Variants in FTCDNL1 observed in about 807,000 individuals in gnomAD.
FTCDNL1 encodes formiminotransferase N-terminal subdomain-containing protein.
In FTCDNL1, 11 loss-of-function variants were observed where a neutral mutation model predicts 5.9. That is an observed-to-expected ratio of 1.87 (90% CI 1.18 to 3.10). FTCDNL1 has a LOEUF of 3.10. Ranked by LOEUF, FTCDNL1 falls within the 30% of genes most tolerant of loss-of-function variation. The pLI, the probability that FTCDNL1 is intolerant of heterozygous loss-of-function variation, is 0.00. For missense variants in FTCDNL1, 115 were observed against 65.5 expected (o/e 1.76, Z -2.61); for synonymous variants, 58 against 24.8 (o/e 2.34, Z -3.99).
intron 3 of FTCDNL1, among the ~76,000 whole-genome samples, chr2:199,789,903 G>T (rs1012624720): frequency 6.6e-6 from 1 of 151,992 alleles, no homozygotes; most frequent in Non-Finnish European, 1.5e-5. Context: ...AAAGATACAG[G>T]ACCTGCATAA....
At chr2:199,744,612 G>A in the FTCDNL1 span, among the ~76,000 whole-genome samples, 15 of 152,162 alleles carry the variant, frequency 9.9e-5, no homozygotes, top group Admixed American at 8.5e-4. Flanking sequence ...AATTTCTGTC[G>A]TTTAAGCCAC....
At chr2:199,666,612 T>C in the FTCDNL1 span, among the ~76,000 whole-genome samples, 1 of 152,082 alleles carries the variant, frequency 6.6e-6, no homozygotes, top group African/African-American at 2.4e-5. Context: ...GCTTTGGCAA[T>C]AACCTTAATG....
intron 3 of FTCDNL1, among the ~76,000 whole-genome samples, chr2:199,781,906 A>G (rs1699384834): frequency 6.6e-6 from 1 of 152,010 alleles, no homozygotes; most frequent in Non-Finnish European, 1.5e-5. Flanking sequence ...CAGCCTCCCG[A>G]GTAGCTGGGA....
chr2:199,671,838 C>G, the FTCDNL1 span, among the ~76,000 whole-genome samples: 1 of 152,150 alleles, frequency 6.6e-6, no homozygotes, highest in African/African-American at 2.4e-5. Flanking sequence ...GGAACATAGA[C>G]TTCTCTTCCT....
At chr2:199,767,612 G>A (rs1049713401) in intron 3 of FTCDNL1, among the ~76,000 whole-genome samples, 3 of 152,140 alleles carry the variant, frequency 2.0e-5, no homozygotes, top group African/African-American at 7.2e-5. Context: ...TTCGTGAATG[G>A]GATAAATATC....
At chr2:199,672,472 C>T in the FTCDNL1 span, among the ~76,000 whole-genome samples, 1 of 152,100 alleles carries the variant, frequency 6.6e-6, no homozygotes, top group South Asian at 2.1e-4. Flanking sequence ...TAGCAAATCA[C>T]CCCAAAACTT....
chr2:199,714,040 G>A, the FTCDNL1 span, among the ~76,000 whole-genome samples: 29 of 152,264 alleles, frequency 1.9e-4, no homozygotes, highest in East Asian at 5.4e-3. Context: ...AGAATAACTT[G>A]ATTCTAGAAG....
At chr2:199,671,487 C>T in the FTCDNL1 span, among the ~76,000 whole-genome samples, 1 of 151,876 alleles carries the variant, frequency 6.6e-6, no homozygotes, top group Admixed American at 6.6e-5. Context: ...AAAAAAAAAA[C>T]CTCCCAAACT....
chr2:199,803,513 A>G (rs867611397), intron 3 of FTCDNL1, among the ~76,000 whole-genome samples: 1 of 152,156 alleles, frequency 6.6e-6, no homozygotes, highest in Non-Finnish European at 1.5e-5. Flanking sequence ...TCTGTCACCG[A>G]GGATAGAATG....
chr2:199,825,111 C>T (rs1701946889), intron 3 of FTCDNL1, among the ~76,000 whole-genome samples: 1 of 148,098 alleles, frequency 6.8e-6, no homozygotes, highest in African/African-American at 2.5e-5. Context: ...GCACTCCAGC[C>T]TGGGTGACAG....
At chr2:199,685,588 G>A in the FTCDNL1 span, among the ~76,000 whole-genome samples, 42 of 152,092 alleles carry the variant, frequency 2.8e-4, no homozygotes, top group East Asian at 8.1e-3. Flanking sequence ...GTTTTTATAT[G>A]CAAATATAAG....
At chr2:199,757,728 C>T (rs1041325062), downstream of FTCDNL1, among the ~76,000 whole-genome samples, 5 of 152,168 alleles carry the variant, frequency 3.3e-5, no homozygotes, top group Non-Finnish European at 5.9e-5. Flanking sequence ...AGCTGGATGG[C>T]TTGTAGTCAG....
intron 4 of FTCDNL1, among the ~76,000 whole-genome samples, chr2:199,814,722 G>A (rs1701246422): frequency 1.3e-5 from 2 of 152,074 alleles, no homozygotes; most frequent in Non-Finnish European, 2.9e-5. Context: ...TCCCAACTAG[G>A]CTTCCTAGCC....
chr2:199,737,981 C>G, the FTCDNL1 span, among the ~76,000 whole-genome samples: 1 of 152,232 alleles, frequency 6.6e-6, no homozygotes, highest in Non-Finnish European at 1.5e-5. Flanking sequence ...ATGACCACAG[C>G]TGCCTCACGG....
At chr2:199,726,635 TTTC>T in the FTCDNL1 span, among the ~76,000 whole-genome samples, 1 of 152,194 alleles carries the variant, frequency 6.6e-6, no homozygotes, top group Non-Finnish European at 1.5e-5. Flanking sequence ...TTTGTTTGTT[TTTC>T]TTTTAAAAGT....
downstream of FTCDNL1, among the ~76,000 whole-genome samples, chr2:199,805,887 G>A (rs2106423786): frequency 6.6e-6 from 1 of 151,602 alleles, no homozygotes; most frequent in East Asian, 1.9e-4. Flanking sequence ...CCACTGCACT[G>A]CAGCCTGGGT....
At chr2:199,744,776 G>T in the FTCDNL1 span, among the ~76,000 whole-genome samples, 2 of 152,166 alleles carry the variant, frequency 1.3e-5, no homozygotes, top group African/African-American at 4.8e-5. Context: ...ATTGAAGCAG[G>T]ATTTCTAATT....
intron 3 of FTCDNL1, among the ~76,000 whole-genome samples, chr2:199,781,257 A>G (rs977453957): frequency 3.3e-5 from 5 of 152,234 alleles, no homozygotes; most frequent in African/African-American, 1.2e-4. Flanking sequence ...TCTCTAAGGC[A>G]AAATTCTCAA....
At chr2:199,805,615 T>C (rs986772165), downstream of FTCDNL1, among the ~76,000 whole-genome samples, 3 of 152,064 alleles carry the variant, frequency 2.0e-5, no homozygotes, top group Non-Finnish European at 4.4e-5. Flanking sequence ...AGCGTGCGCC[T>C]GTAATCCCAG....
Sources: allele counts gnomAD v4.1 joint callset (sites outside exome capture counted in the v4.1 genomes callset), GRCh38; gene constraint gnomAD v4.1.1; transcripts MANE v1.5; gene names NCBI Gene and HGNC (gene_info 2026-07-23, HGNC 2026-07-21).